The following SUPT6H variants were observed in gnomAD, a reference collection of about 807,000 sequenced individuals.
SUPT6H encodes transcription elongation factor SPT6.
In SUPT6H, 11 loss-of-function variants were observed where a neutral mutation model predicts 222.3. The observed-to-expected ratio is 0.05, with a 90% confidence interval of 0.03 to 0.08. SUPT6H has a LOEUF of 0.08. Among genes scored for constraint, SUPT6H ranks in the 10% least tolerant of loss-of-function variants. SUPT6H has a pLI of 1.00. For synonymous variants in SUPT6H, 762 were observed against 801.2 expected (o/e 0.95, Z 0.83); for missense variants, 1,422 against 2,216.0 (o/e 0.64, Z 7.19).
chr17:28,686,389 T>G lies in SUPT6H; in HGVS notation c.2538T>G (p.His846Gln), dbSNP rs1309083644. The G allele has an allele frequency of 6.2e-7, 1 of 1,614,242 alleles. No homozygotes were observed. Among genetic ancestry groups the G allele is most frequent in the Admixed American group, 1.7e-5 (1 of 60,024 alleles). Residue 846 changes from histidine (H) to glutamine (Q), a missense_variant, in exon 20 of 37, where the codon CAT (histidine) becomes CAG (glutamine). Coordinates refer to ENST00000314616, the MANE Select transcript of SUPT6H (RefSeq NM_003170.5). ...AATTTCTCCTGAATAAGAAGCCTCA[T>G]GTAGTGACAGTTGCAGGAGAGAACA... ...LKKFLLNKKP[H>Q]VVTVAGENRD...
chr17:28,673,553 G>C, intron 2 of SUPT6H, 43 bp downstream of exon 2: 1 of 1,425,050 alleles, frequency 7.0e-7, no homozygotes. Context: ...CTATTGCTAA[G>C]CTTTGGATAG....
chr17:28,684,390 T>C (rs1252730337), intron 17 of SUPT6H, among the ~76,000 whole-genome samples, 196 bp from the exon 18 acceptor site: 1 of 152,218 alleles, frequency 6.6e-6, no homozygotes, highest in Non-Finnish European at 1.5e-5. Flanking sequence ...TATATCACTG[T>C]TCTCTGTATA....
At chr17:28,668,173 C>T (rs1468413535) in intron 1 of SUPT6H, among the ~76,000 whole-genome samples, 1 of 152,188 alleles carries the variant, frequency 6.6e-6, no homozygotes, top group East Asian at 1.9e-4. Context: ...CTCCCTCCAT[C>T]TCCCCACTGC....
At chr17:28,694,840 C>G (rs1187378011) in intron 28 of SUPT6H, among the ~76,000 whole-genome samples, 7 of 152,110 alleles carry the variant, frequency 4.6e-5, no homozygotes, top group Admixed American at 4.6e-4. Context: ...CCCGTCTCTA[C>G]AGAAAATACA....
chr17:28,687,251 C>A, intron 22 of SUPT6H, 26 bp downstream of exon 22: 3 of 1,614,046 alleles, frequency 1.9e-6, no homozygotes, highest in Non-Finnish European at 2.5e-6. Context: ...CAGGCAGGCT[C>A]GGGTGAAGGG....
rs760540366 is a variant in SUPT6H, at chr17:28,690,099, C to T, written c.3360C>T (p.His1120=). 2 of 1,612,568 alleles carry T rather than the reference C, an allele frequency of 1.2e-6. No individual in the cohort carries two copies. The highest frequency in any genetic ancestry group is 2.7e-5 in the African/African-American group (2 of 74,876). The change falls in exon 26 of 37, where the codon CAC becomes CAT. Residue 1120 remains histidine, a synonymous_variant. Transcript: ENST00000314616. ...ELERQGYGDK[H]ITLYDIRAEL... ...TTCCCCAGGGCTATGGTGACAAACA[C>T]ATCACACTCTATGACATCCGGGCAG...
chr17:28,701,362 T>A, intron 36 of SUPT6H, 77 bp from the exon 37 acceptor site: 1 of 1,549,320 alleles, frequency 6.5e-7, no homozygotes, highest in Non-Finnish European at 8.8e-7. Context: ...TGAGGTTCCT[T>A]TCTGCAAGGG....
chr17:28,691,116 C>T lies in SUPT6H; in HGVS notation c.3633+53C>T, dbSNP rs577238806. On this transcript the variant is annotated intron_variant, in intron 27 of 36. Transcript: ENST00000314616. Reference sequence around the variant, plus strand: ...GTGGATTTCCTTGGTTGAATGATCTCGGTGCCTAGAAGGGAATCAGAAATG... The same window carrying T: ...GTGGATTTCCTTGGTTGAATGATCTTGGTGCCTAGAAGGGAATCAGAAATG... 23 of 1,575,646 alleles carry T rather than the reference C, an allele frequency of 1.5e-5. No individual in the cohort carries two copies. The East Asian group carries it at 4.4e-4, about 30-fold the overall frequency.
chr17:28,686,798 G>A lies in SUPT6H; in HGVS notation c.2700+9G>A. ...ACAGCAAGAAGTCAGAGGTAATGCT[G>A]GAGCCTCACCCTTAGGGCCTGCCCA... On this transcript the variant is annotated intron_variant, in intron 21 of 36. Transcript: ENST00000314616. The A allele has an allele frequency of 1.9e-6, 3 of 1,590,742 alleles. No homozygotes were observed. Among genetic ancestry groups the A allele is most frequent in the Non-Finnish European group, 2.6e-6 (3 of 1,170,708 alleles).
At chr17:28,682,535 C>G (rs1301629871) in intron 13 of SUPT6H, among the ~76,000 whole-genome samples, 192 bp from the exon 14 acceptor site, 1 of 152,130 alleles carries the variant, frequency 6.6e-6, no homozygotes, top group Non-Finnish European at 1.5e-5. Context: ...GTGGGAGGAT[C>G]ACCTGAGCCC....
At chr17:28,677,274 T>C (rs986354792) in intron 7 of SUPT6H, among the ~76,000 whole-genome samples, 3 of 151,836 alleles carry the variant, frequency 2.0e-5, no homozygotes, top group African/African-American at 7.3e-5. Flanking sequence ...TCCCAGTTAC[T>C]TGGGAGGTTG....
At position 28,690,242 on chromosome 17, in the gene SUPT6H, G is replaced by T. The variant is rs747627744; in HGVS notation, c.3490+13G>T. On this transcript the variant is annotated intron_variant, in intron 26 of 36. Transcript: ENST00000314616. Reference sequence around the variant, plus strand: ...ACCTTCTACATTGGTAAATTCTGGGGTCATTTTTTTATTGGGGGCAGGAGG... The same window carrying T: ...ACCTTCTACATTGGTAAATTCTGGGTTCATTTTTTTATTGGGGGCAGGAGG... The T allele has an allele frequency of 1.2e-6, 2 of 1,612,696 alleles. No homozygotes were observed. The highest frequency in any genetic ancestry group is 1.7e-6 in the Non-Finnish European group (2 of 1,179,358).
At chr17:28,663,246 T>G (rs187641152) in intron 1 of SUPT6H, among the ~76,000 whole-genome samples, 3 of 152,354 alleles carry the variant, frequency 2.0e-5, no homozygotes, top group East Asian at 3.9e-4. Context: ...TTCAGTGTTT[T>G]GATTACAGAA....
At chr17:28,682,353 C>T (rs926024402) in intron 13 of SUPT6H, among the ~76,000 whole-genome samples, 1 of 152,090 alleles carries the variant, frequency 6.6e-6, no homozygotes, top group Non-Finnish European at 1.5e-5. Flanking sequence ...TAGCTGGGCA[C>T]AGTGGCTCAC....
At chr17:28,685,436 C>T (rs1248713521) in intron 19 of SUPT6H, among the ~76,000 whole-genome samples, 2 of 151,124 alleles carry the variant, frequency 1.3e-5, no homozygotes, top group African/African-American at 4.9e-5. Context: ...AGAAAAACTT[C>T]TTAAGAAACA....
intron 29 of SUPT6H, 138 bp downstream of exon 29, chr17:28,695,685 A>C: frequency 9.8e-7 from 1 of 1,017,776 alleles, no homozygotes; most frequent in Non-Finnish European, 1.4e-6. Flanking sequence ...AGGCCTGGAG[A>C]TGTCATGAAA....
Position 28,681,942 on chromosome 17 carries a change from G to A in SUPT6H, c.1559G>A (p.Arg520His). ...GGGCCTGAGCTCAAGCAAGCCTCTC[G>A]CCGAGACATGTACACCATCTGCCAG... Reference protein sequence around the residue: ...QRGPELKQASRRDMYTICQSA... With the variant: ...QRGPELKQASHRDMYTICQSA... The change falls in exon 13 of 37, where the codon CGC (arginine) becomes CAC (histidine). Residue 520 changes from arginine to histidine, a missense_variant. Transcript: ENST00000314616. The A allele has an allele frequency of 1.9e-6, 3 of 1,608,934 alleles. No homozygotes were observed. Among genetic ancestry groups the A allele is most frequent in the South Asian group, 1.1e-5 (1 of 89,056 alleles).
chr17:28,681,791 G>T, intron 12 of SUPT6H, 91 bp from the exon 13 acceptor site: 1 of 1,125,980 alleles, frequency 8.9e-7, no homozygotes, highest in Non-Finnish European at 1.3e-6. Context: ...GCCCTTGGCT[G>T]GGTACCCTTT....
At chr17:28,684,995 T>C (rs2031310505) in intron 19 of SUPT6H, 34 bp downstream of exon 19, 1 of 1,575,752 alleles carries the variant, frequency 6.3e-7, no homozygotes, top group Non-Finnish European at 8.7e-7. Context: ...TAAGTGTACA[T>C]CTGGAGTATG....
Sources: allele counts gnomAD v4.1 joint callset (sites outside exome capture counted in the v4.1 genomes callset), GRCh38; gene constraint gnomAD v4.1.1; transcripts MANE v1.5; gene names NCBI Gene and HGNC (gene_info 2026-07-23, HGNC 2026-07-21).